Variants in FA2H observed in about 807,000 individuals in gnomAD.
FA2H encodes the protein fatty acid alpha-hydroxylase.
FA2H carries 22 observed loss-of-function variants against 44.9 expected under a neutral mutation model. The ratio of observed to expected loss-of-function variants is 0.49; its 90% CI spans 0.35 to 0.70. FA2H has a LOEUF of 0.70. FA2H is among the 30% of genes least tolerant of loss of function. FA2H has a pLI of 0.01. For missense variants in FA2H, 501 were observed against 504.9 expected (o/e 0.99, Z 0.07); for synonymous variants, 243 against 213.2 (o/e 1.14, Z -1.22).
chr16:74,739,469 T>C (rs909877858), intron 2 of FA2H, among the ~76,000 whole-genome samples: 12 of 152,194 alleles, frequency 7.9e-5, no homozygotes, highest in Middle Eastern at 3.4e-3. Flanking sequence ...CACCAGTCTA[T>C]GGGGTCTGCT....
chr16:74,746,381 T>A (rs896428833), intron 1 of FA2H, among the ~76,000 whole-genome samples: 66 of 151,352 alleles, frequency 4.4e-4, no homozygotes, highest in Non-Finnish European at 7.8e-4. Context: ...TATTATTATT[T>A]TTTTTTTGGT....
At chr16:74,761,221 G>A (rs1004599085) in intron 1 of FA2H, among the ~76,000 whole-genome samples, 3 of 152,206 alleles carry the variant, frequency 2.0e-5, no homozygotes, top group African/African-American at 7.2e-5. Context: ...GGAAGCCAAG[G>A]CGAGCAGATC....
At chr16:74,731,900 A>T (rs545191274) in intron 2 of FA2H, among the ~76,000 whole-genome samples, 1 of 151,578 alleles carries the variant, frequency 6.6e-6, no homozygotes, top group South Asian at 2.1e-4. Flanking sequence ...TGAGACAGGG[A>T]CTTGCTCTGT....
At chr16:74,744,192 T>C (rs1962370445) in intron 1 of FA2H, among the ~76,000 whole-genome samples, 1 of 152,070 alleles carries the variant, frequency 6.6e-6, no homozygotes, top group Admixed American at 6.5e-5. Context: ...CAGCTCACCC[T>C]TGAATTCCAC....
intron 6 of FA2H, among the ~76,000 whole-genome samples, chr16:74,714,528 C>T (rs1246031452): frequency 1.3e-5 from 2 of 151,976 alleles, no homozygotes; most frequent in East Asian, 3.9e-4. Context: ...CCCCTCCCAC[C>T]CCCCACCTCC....
chr16:74,771,532 C>A (rs1259472034), intron 1 of FA2H, among the ~76,000 whole-genome samples: 1 of 152,000 alleles, frequency 6.6e-6, no homozygotes, highest in East Asian at 1.9e-4. Context: ...GACAGCGTTT[C>A]ACCATGTTGG....
chr16:74,723,732 G>C lies in FA2H; in HGVS notation c.613+2493C>G, dbSNP rs370781672. Reference sequence around the variant, plus strand: ...ATTCCGGTGAAGTGCAGAGAGCACAGGCATTGGATTTGCAGACCTGGATTC... The same window carrying C: ...ATTCCGGTGAAGTGCAGAGAGCACACGCATTGGATTTGCAGACCTGGATTC... On this transcript the variant is annotated intron_variant, in intron 4 of 6. Coordinates refer to ENST00000219368, the MANE Select transcript of FA2H (RefSeq NM_024306.5). Among the ~76,000 whole-genome samples, 350 of 152,306 alleles carry C rather than the reference G, an allele frequency of 2.3e-3. 1 individual carries two copies. Among genetic ancestry groups the C allele is most frequent in the African/African-American group, 8.2e-3 (340 of 41,570 alleles).
At chr16:74,773,109 C>T (rs1962937983) in intron 1 of FA2H, among the ~76,000 whole-genome samples, 1 of 152,080 alleles carries the variant, frequency 6.6e-6, no homozygotes, top group Admixed American at 6.5e-5. Context: ...CTCCTGGGCT[C>T]GAGCGATCCT....
chr16:74,718,958 A>T, intron 5 of FA2H, 30 bp downstream of exon 5: 1 of 1,611,362 alleles, frequency 6.2e-7, no homozygotes, highest in Non-Finnish European at 8.5e-7. Flanking sequence ...TGCACATGCT[A>T]GGTCCGGGCT....
In FA2H at chr16:74,726,162, A is replaced by C; in HGVS notation, c.613+63T>G. ...TGCTCTCAGAAACTCTGGGCCAGGG[A>C]AAGCACTGAGGTCTCCTCCCTCTAG... On this transcript the variant is annotated intron_variant, in intron 4 of 6. Coordinates refer to ENST00000219368, the MANE Select transcript of FA2H (RefSeq NM_024306.5). 11 of 1,133,432 alleles carry C rather than the reference A, an allele frequency of 9.7e-6. No homozygotes were observed. In the South Asian group the frequency reaches 1.4e-4, roughly 14 times the overall value. The allele number at this position is 1,133,432 out of a possible 1,614,324, so 70.2% of individuals were successfully genotyped here.
intron 1 of FA2H, among the ~76,000 whole-genome samples, chr16:74,748,013 C>T (rs1480508104): frequency 6.6e-6 from 1 of 152,130 alleles, no homozygotes; most frequent in Non-Finnish European, 1.5e-5. Flanking sequence ...GCTGAGGACG[C>T]GGCAGAAACC....
intron 2 of FA2H, among the ~76,000 whole-genome samples, chr16:74,736,824 T>C (rs74024554): frequency 0.028 from 4,278 of 152,138 alleles, 190 homozygotes; most frequent in African/African-American, 0.098. Flanking sequence ...TGGTCAGCTG[T>C]TGGGGTGGGA....
chr16:74,748,188 G>A (rs1010418647), intron 1 of FA2H, among the ~76,000 whole-genome samples: 12 of 152,234 alleles, frequency 7.9e-5, no homozygotes, highest in African/African-American at 2.9e-4. Flanking sequence ...CCCTTCTTTA[G>A]GGCCTGAGAG....
intron 5 of FA2H, 139 bp from the exon 6 acceptor site, chr16:74,716,738 T>C: frequency 1.0e-6 from 1 of 986,442 alleles, no homozygotes; most frequent in Non-Finnish European, 1.4e-6. Flanking sequence ...TTGGTGGCTT[T>C]GGGGAGGGCG....
intron 1 of FA2H, among the ~76,000 whole-genome samples, chr16:74,762,149 T>C (rs1481421022): frequency 3.3e-5 from 5 of 151,998 alleles, no homozygotes; most frequent in Admixed American, 1.3e-4. Context: ...TTCAAGTGAT[T>C]CTCCTGCCTC....
intron 2 of FA2H, 142 bp downstream of exon 2, chr16:74,739,881 G>C: frequency 1.3e-6 from 1 of 772,504 alleles, no homozygotes; most frequent in Non-Finnish European, 2.4e-6. Flanking sequence ...CATGCCTCTG[G>C]GCTGTGGACA....
At chr16:74,750,790 T>TGTGC (rs1555540831) in intron 1 of FA2H, among the ~76,000 whole-genome samples, 6 of 151,370 alleles carry the variant, frequency 4.0e-5, no homozygotes, top group African/African-American at 1.2e-4. Flanking sequence ...TGTGTGTGTG[T>TGTGC]TTAAGAGACA....
intron 2 of FA2H, among the ~76,000 whole-genome samples, chr16:74,732,531 G>A (rs1962094408): frequency 2.0e-5 from 3 of 151,504 alleles, no homozygotes. Flanking sequence ...CCACTTCTCC[G>A]GTTGAAGTGA....
rs146684287 is a variant in FA2H at position 74,719,024 on chromosome 16, G to C, written c.750C>G (p.Ile250Met). 3 of 1,614,018 alleles carry C rather than the reference G, an allele frequency of 1.9e-6. No homozygotes were observed. Among genetic ancestry groups the C allele is most frequent in the African/African-American group, 2.7e-5 (2 of 75,066 alleles). The change falls in exon 5 of 7, where the codon ATC (isoleucine) becomes ATG (methionine). Residue 250 changes from isoleucine (I) to methionine (M), a missense_variant. Ile to Met is a conservative substitution (Grantham distance 10). Coordinates refer to ENST00000219368, the MANE Select transcript of FA2H (RefSeq NM_024306.5). ...GGCCGTGCATGACGAAGTGCAGCAT[G>C]ATGAGGTAATAGCTGTCGCTGGGGG... ...MKPPSDSYYL[I>M]MLHFVMHGQH...
Sources: allele counts gnomAD v4.1 joint callset (sites outside exome capture counted in the v4.1 genomes callset), GRCh38; gene constraint gnomAD v4.1.1; transcripts MANE v1.5; gene names NCBI Gene and HGNC (gene_info 2026-07-23, HGNC 2026-07-21).